Variants in RAD50 observed in about 807,000 individuals in gnomAD.
RAD50 encodes the protein RAD50 double strand break repair protein, also known as DNA repair protein RAD50.
Under a neutral mutation model 168.8 loss-of-function variants are expected in RAD50, and 132 were observed. The ratio of observed to expected loss-of-function variants is 0.78; its 90% CI spans 0.68 to 0.90. The LOEUF is 0.90. RAD50 is among the 40% of genes least tolerant of loss of function. The pLI, the probability that RAD50 is intolerant of heterozygous loss-of-function variation, is 0.00. For synonymous variants in RAD50, 525 were observed against 497.4 expected (o/e 1.06, Z -0.74); for missense variants, 1,347 against 1,534.4 (o/e 0.88, Z 2.04).
At chr5:132,612,422 G>A (rs1246334421) in intron 19 of RAD50, among the ~76,000 whole-genome samples, 4 of 152,216 alleles carry the variant, frequency 2.6e-5, no homozygotes, top group African/African-American at 7.2e-5. Flanking sequence ...TTGGATAGTG[G>A]TGATGGTTGT....
chr5:132,629,966 T>TA (rs1193905798), intron 21 of RAD50, among the ~76,000 whole-genome samples: 1 of 152,206 alleles, frequency 6.6e-6, no homozygotes, highest in Admixed American at 6.5e-5. Context: ...TCACTCAAGA[T>TA]ATGGTGTTCT....
At chr5:132,602,093 C>T (rs1308880935) in intron 13 of RAD50, among the ~76,000 whole-genome samples, 1 of 151,982 alleles carries the variant, frequency 6.6e-6, no homozygotes, top group African/African-American at 2.4e-5. Flanking sequence ...CAAACCCACA[C>T]GTTCTGCACG....
At chr5:132,587,434 T>G in intron 5 of RAD50, 128 bp from the exon 6 acceptor site, 1 of 1,369,214 alleles carries the variant, frequency 7.3e-7, no homozygotes. Context: ...TGCTCTACAG[T>G]GTTATTGTTA....
At chr5:132,592,337 T>A (rs1184188520) in intron 11 of RAD50, among the ~76,000 whole-genome samples, 1 of 152,208 alleles carries the variant, frequency 6.6e-6, no homozygotes, top group East Asian at 1.9e-4. Flanking sequence ...CAGTGTAGTC[T>A]TTTTTACATT....
intron 21 of RAD50, among the ~76,000 whole-genome samples, chr5:132,635,299 G>C (rs190284914): frequency 6.6e-6 from 1 of 152,128 alleles, no homozygotes; most frequent in Non-Finnish European, 1.5e-5. Context: ...GTTTTGTCTC[G>C]CATATGGTAA....
intron 21 of RAD50, among the ~76,000 whole-genome samples, chr5:132,632,642 A>G (rs1427131535): frequency 2.0e-5 from 3 of 152,246 alleles, no homozygotes; most frequent in Admixed American, 2.0e-4. Flanking sequence ...TACTACAGAT[A>G]ATGCTGCAGA....
chr5:132,561,165 T>C (rs1457710242), intron 2 of RAD50, among the ~76,000 whole-genome samples: 1 of 152,194 alleles, frequency 6.6e-6, no homozygotes, highest in Non-Finnish European at 1.5e-5. Context: ...CTGGCTATAC[T>C]TTAGTCTTTG....
At chr5:132,630,401 G>A (rs930738641) in intron 21 of RAD50, among the ~76,000 whole-genome samples, 1 of 152,094 alleles carries the variant, frequency 6.6e-6, no homozygotes, top group African/African-American at 2.4e-5. Flanking sequence ...TGCATCCAAG[G>A]TAGCCAGCTT....
At chr5:132,616,331 A>G (rs1380492872) in intron 20 of RAD50, among the ~76,000 whole-genome samples, 1 of 152,218 alleles carries the variant, frequency 6.6e-6, no homozygotes, top group African/African-American at 2.4e-5. Flanking sequence ...AGAATTGGTA[A>G]TCACACTGTA....
At chr5:132,595,499 G>T in intron 12 of RAD50, 74 bp from the exon 13 acceptor site, 1 of 924,798 alleles carries the variant, frequency 1.1e-6, no homozygotes, top group Non-Finnish European at 1.7e-6. Context: ...TATAGAAAAA[G>T]ATACAACCGT....
chr5:132,581,179 C>A (rs1750497748), intron 5 of RAD50, among the ~76,000 whole-genome samples: 1 of 152,022 alleles, frequency 6.6e-6, no homozygotes, highest in Non-Finnish European at 1.5e-5. Flanking sequence ...CGGCTCACTG[C>A]AACCTCTGCC....
chr5:132,609,336 A>G lies in RAD50; in HGVS notation c.2976A>G (p.Lys992=), dbSNP rs1581004895. 6.2e-7 allele frequency: 1 copy of G among 1,613,870 alleles called. No individual in the cohort carries two copies. Among genetic ancestry groups the G allele is most frequent in the Admixed American group, 1.7e-5 (1 of 60,010 alleles). The change falls in exon 19 of 25, where the codon AAA becomes AAG. Residue 992 remains lysine (K), a synonymous_variant. Coordinates refer to ENST00000378823, the MANE Select transcript of RAD50 (RefSeq NM_005732.4). The stretch of plus-strand genomic sequence containing the variant: ...TAGCTCAACTAAGTGAATGCGAGAA[A>G]CACAAAGAAAAGATAAATGAAGATA... ...KVIAQLSECE[K]HKEKINEDMR...
chr5:132,572,242 T>C (rs544371742), intron 2 of RAD50, among the ~76,000 whole-genome samples: 1 of 152,278 alleles, frequency 6.6e-6, no homozygotes, highest in African/African-American at 2.4e-5. Context: ...ATTAATTCAG[T>C]CCAAAAGCCA....
At chr5:132,619,883 T>TAGAG (rs1279519668) in intron 21 of RAD50, among the ~76,000 whole-genome samples, 10 of 124,108 alleles carry the variant, frequency 8.1e-5, no homozygotes, top group South Asian at 2.5e-4. Flanking sequence ...TATATATATA[T>TAGAG]ATAGAGAGAG....
rs1750923277 is a variant in RAD50 at position 132,603,407 on chromosome 5, A to G, written c.2315A>G (p.Glu772Gly). Residue 772 changes from glutamate (E) to glycine (G), a missense_variant, in exon 14 of 25, where the codon GAA becomes GGA. Glu to Gly is a moderately conservative substitution (Grantham distance 98). Coordinates refer to ENST00000378823, the MANE Select transcript of RAD50 (RefSeq NM_005732.4). ...QRLKNDIEEQ[E>G]TLLGTIMPEE... is the part of the protein sequence containing the mutation. ...CTAAAGAACGACATAGAAGAACAAG[A>G]AACACTCTTGGGTACAATAATGCCT... is the stretch of plus-strand genomic sequence containing the variant. 1.2e-6 allele frequency: 2 copies of G among 1,613,882 alleles called. No individual in the cohort carries two copies. The highest frequency in any genetic ancestry group is 1.7e-6 in the Non-Finnish European group (2 of 1,179,918).
chr5:132,642,502 G>C lies in RAD50; in HGVS notation c.*138G>C. The C allele has an allele frequency of 1.2e-6, 1 of 843,712 alleles. No individual in the cohort carries two copies. The highest frequency in any genetic ancestry group is 1.8e-6 in the Non-Finnish European group (1 of 553,284). 52.3% of individuals were successfully genotyped at this position (843,712 alleles called of 1,614,324 possible). A position where few individuals can be genotyped will look rare whatever the true frequency, so the allele number is the denominator to read the frequency against. ...CATTGTGTCTAGGATTTTGGATGTTGAGAGGTTCTAAAATCATGAAACTTG... is the reference window on the plus strand; with the variant it reads ...CATTGTGTCTAGGATTTTGGATGTTCAGAGGTTCTAAAATCATGAAACTTG... On this transcript the variant is annotated 3_prime_UTR_variant, in exon 25 of 25. Coordinates refer to ENST00000378823, the MANE Select transcript of RAD50 (RefSeq NM_005732.4).
chr5:132,635,938 T>C (rs748982029), intron 21 of RAD50, among the ~76,000 whole-genome samples: 2 of 152,198 alleles, frequency 1.3e-5, no homozygotes, highest in Non-Finnish European at 2.9e-5. Flanking sequence ...GAATATGGTT[T>C]TTTCCAGTCT....
chr5:132,620,382 C>T (rs915354850), intron 21 of RAD50, among the ~76,000 whole-genome samples: 22 of 152,274 alleles, frequency 1.4e-4, no homozygotes, highest in Middle Eastern at 6.8e-3. Context: ...TCAGAATTCC[C>T]TATGTGCCTG....
chr5:132,628,750 G>A (rs543122265), intron 21 of RAD50, among the ~76,000 whole-genome samples: 13 of 152,232 alleles, frequency 8.5e-5, no homozygotes, highest in African/African-American at 3.1e-4. Flanking sequence ...AGGAGGCTGA[G>A]GCAGGAGAAT....
Sources: allele counts gnomAD v4.1 joint callset (sites outside exome capture counted in the v4.1 genomes callset), GRCh38; gene constraint gnomAD v4.1.1; transcripts MANE v1.5; gene names NCBI Gene and HGNC (gene_info 2026-07-23, HGNC 2026-07-21).